The following ATP6V1C1 variants were observed in gnomAD, a reference collection of about 807,000 sequenced individuals.
ATP6V1C1 encodes ATPase H+ transporting V1 subunit C1.
In ATP6V1C1, 45 loss-of-function variants were observed where a neutral mutation model predicts 53.9. The ratio of observed to expected loss-of-function variants is 0.83; its 90% CI spans 0.66 to 1.07. The LOEUF (loss-of-function observed/expected upper bound fraction) is 1.07. Among genes scored for constraint, ATP6V1C1 ranks in the 50% least tolerant of loss-of-function variants. ATP6V1C1 has a pLI of 0.00. For synonymous variants in ATP6V1C1, 153 were observed against 155.2 expected (o/e 0.99, Z 0.11); for missense variants, 315 against 440.3 (o/e 0.72, Z 2.55).
chr8:103,038,969 A>G (rs1816945964), intron 1 of ATP6V1C1, among the ~76,000 whole-genome samples: 1 of 152,264 alleles, frequency 6.6e-6, no homozygotes, highest in Non-Finnish European at 1.5e-5. Flanking sequence ...GGGAAAGTGT[A>G]GCTCTTTCAT....
At chr8:103,056,059 A>T (rs111843965) in intron 8 of ATP6V1C1, 123 bp downstream of exon 8, 2 of 846,344 alleles carry the variant, frequency 2.4e-6, no homozygotes, top group African/African-American at 3.5e-5. Flanking sequence ...AGTGAGTTCT[A>T]TGAACTCTAG....
At chr8:103,056,929 A>G (rs146060320) in intron 8 of ATP6V1C1, among the ~76,000 whole-genome samples, 1 of 152,070 alleles carries the variant, frequency 6.6e-6, no homozygotes, top group Non-Finnish European at 1.5e-5. Context: ...GGACTCAGGG[A>G]TCTGAGTTCT....
At chr8:103,058,695 A>AAT (rs1471169377) in intron 8 of ATP6V1C1, among the ~76,000 whole-genome samples, 3 of 152,214 alleles carry the variant, frequency 2.0e-5, no homozygotes, top group African/African-American at 7.2e-5. Context: ...AAAAATATTC[A>AAT]CTTTAATATT....
chr8:103,029,543 C>T (rs955955857), intron 1 of ATP6V1C1, among the ~76,000 whole-genome samples: 1 of 152,046 alleles, frequency 6.6e-6, no homozygotes, highest in African/African-American at 2.4e-5. Context: ...GTTGGGATTA[C>T]AGGCATGAGC....
At chr8:103,030,769 G>A (rs541038776) in intron 1 of ATP6V1C1, among the ~76,000 whole-genome samples, 9,591 of 139,698 alleles carry the variant, frequency 0.069, 998 homozygotes, top group African/African-American at 0.24. Context: ...GAAACTTATG[G>A]GGGGGGTCTC....
chr8:103,065,894 C>A (rs1817480424), intron 11 of ATP6V1C1, among the ~76,000 whole-genome samples: 1 of 151,828 alleles, frequency 6.6e-6, no homozygotes, highest in African/African-American at 2.4e-5. Context: ...ATAGAAAAAT[C>A]AGCTGGGCAT....
At chr8:103,049,112 T>C (rs1272871263) in intron 4 of ATP6V1C1, among the ~76,000 whole-genome samples, 157 bp downstream of exon 4, 4 of 152,236 alleles carry the variant, frequency 2.6e-5, no homozygotes, top group Non-Finnish European at 5.9e-5. Flanking sequence ...TTGGTGATAC[T>C]TCCAGGTACA....
intron 1 of ATP6V1C1, among the ~76,000 whole-genome samples, chr8:103,037,697 T>A (rs945585703): frequency 2.0e-5 from 3 of 152,188 alleles, no homozygotes; most frequent in African/African-American, 7.2e-5. Context: ...CTCATAAAAA[T>A]TTTAAAAATA....
intron 4 of ATP6V1C1, among the ~76,000 whole-genome samples, chr8:103,050,164 C>T (rs1344806977): frequency 2.6e-5 from 4 of 152,102 alleles, no homozygotes; most frequent in African/African-American, 7.2e-5. Flanking sequence ...TAATTCTGAT[C>T]TCATTGTTTG....
intron 8 of ATP6V1C1, among the ~76,000 whole-genome samples, chr8:103,059,525 C>A (rs1438387718): frequency 6.6e-6 from 1 of 151,274 alleles, no homozygotes; most frequent in Non-Finnish European, 1.5e-5. Flanking sequence ...CCCCTCCCCC[C>A]ACCGGCCCCC....
chr8:103,033,808 G>C (rs1016410458), intron 1 of ATP6V1C1, among the ~76,000 whole-genome samples: 1 of 152,178 alleles, frequency 6.6e-6, no homozygotes, highest in African/African-American at 2.4e-5. Context: ...GTTAATACAC[G>C]TGAAGTGTTT....
intron 3 of ATP6V1C1, among the ~76,000 whole-genome samples, chr8:103,045,819 T>G (rs542003072): frequency 6.6e-6 from 1 of 152,148 alleles, no homozygotes; most frequent in South Asian, 2.1e-4. Flanking sequence ...CGGGCGCCTG[T>G]AGTCCCAGCT....
At position 103,040,952 on chromosome 8, in the gene ATP6V1C1, A is replaced by G. The variant is rs375123374; in HGVS notation, c.116A>G (p.Asn39Ser). 7.4e-6 allele frequency: 12 copies of G among 1,613,932 alleles called. No homozygotes were observed. In the East Asian group the frequency reaches 8.9e-5, roughly 12 times the overall value. ...AATCTTGCTGTCACTTCCAAGTTCAATATTCCTGACTTAAAGGTGAAGCTG... is the reference window on the plus strand; with the variant it reads ...AATCTTGCTGTCACTTCCAAGTTCAGTATTCCTGACTTAAAGGTGAAGCTG... The part of the protein sequence containing the change: ...NNNLAVTSKF[N>S]IPDLKVGTLD... The change falls in exon 2 of 13, where the codon AAT becomes AGT. Residue 39 changes from asparagine to serine, a missense_variant. Coordinates refer to ENST00000518738, the MANE Select transcript of ATP6V1C1 (RefSeq NM_001695.5).
At chr8:103,050,102 A>T (rs1817174873) in intron 4 of ATP6V1C1, among the ~76,000 whole-genome samples, 1 of 152,222 alleles carries the variant, frequency 6.6e-6, no homozygotes, top group African/African-American at 2.4e-5. Flanking sequence ...TGCTCAATAA[A>T]TTTTTAATCA....
chr8:103,025,854 T>C (rs1300536247), intron 1 of ATP6V1C1, among the ~76,000 whole-genome samples: 1 of 152,282 alleles, frequency 6.6e-6, no homozygotes, highest in Non-Finnish European at 1.5e-5. Flanking sequence ...CTTAGGGTCA[T>C]GAGTTGGAGA....
chr8:103,050,087 A>G (rs1220901611), intron 4 of ATP6V1C1, among the ~76,000 whole-genome samples: 2 of 152,224 alleles, frequency 1.3e-5, no homozygotes, highest in African/African-American at 4.8e-5. Context: ...CTTGCAAATA[A>G]TAGCTGCTCA....
Position 103,021,157 on chromosome 8 carries a change from T to C in ATP6V1C1, c.-108T>C, listed in dbSNP as rs963307998. 4.6e-5 allele frequency: 7 copies of C among 152,912 alleles called. No homozygotes were observed. Among genetic ancestry groups the C allele is most frequent in the African/African-American group, 1.7e-4 (7 of 41,476 alleles). The allele number at this position is 152,912 out of a possible 1,614,324, so 9.5% of individuals were successfully genotyped here. A position where few individuals can be genotyped will look rare whatever the true frequency, so the allele number is the denominator to read the frequency against. ...GGGAAGGGATGGATCGCTGAGCCGATAGCGTCCGCTAGGCTGTCTGCCTCG... is the reference window on the plus strand; with the variant it reads ...GGGAAGGGATGGATCGCTGAGCCGACAGCGTCCGCTAGGCTGTCTGCCTCG... On this transcript the variant is annotated 5_prime_UTR_variant, in exon 1 of 13. Coordinates refer to ENST00000518738, the MANE Select transcript of ATP6V1C1 (RefSeq NM_001695.5).
intron 1 of ATP6V1C1, among the ~76,000 whole-genome samples, chr8:103,040,345 C>T (rs942697548): frequency 2.7e-5 from 4 of 150,786 alleles, no homozygotes; most frequent in African/African-American, 9.8e-5. Flanking sequence ...ACCTGGGAGG[C>T]GGAGGTTGCA....
intron 10 of ATP6V1C1, among the ~76,000 whole-genome samples, chr8:103,063,468 G>A (rs545581135): frequency 6.6e-6 from 1 of 152,146 alleles, no homozygotes; most frequent in Non-Finnish European, 1.5e-5. Context: ...ATAGAATAGA[G>A]TAGATAGAAT....
Sources: allele counts gnomAD v4.1 joint callset (sites outside exome capture counted in the v4.1 genomes callset), GRCh38; gene constraint gnomAD v4.1.1; transcripts MANE v1.5; gene names NCBI Gene and HGNC (gene_info 2026-07-23, HGNC 2026-07-21).